The following FGF14 variants were observed in gnomAD, a reference collection of about 807,000 sequenced individuals.
FGF14 encodes fibroblast growth factor 14, also known as fibroblast growth factor homologous factor 4.
FGF14 carries 5 observed loss-of-function variants against 25.5 expected under a neutral mutation model. That is an observed-to-expected ratio of 0.20 (90% CI 0.10 to 0.41). The LOEUF is 0.41. FGF14 is among the 10% of genes least tolerant of loss of function. FGF14 has a pLI of 1.00. For missense variants in FGF14, 222 were observed against 320.1 expected, an observed-to-expected ratio of 0.69 and a Z score of 2.34; for synonymous variants, 138 against 118.3, an observed-to-expected ratio of 1.17 and a Z score of -1.08.
intron 3 of FGF14, among the ~76,000 whole-genome samples, chr13:101,827,070 G>A (rs544495705): frequency 3.6e-4 from 55 of 152,040 alleles, no homozygotes; most frequent in Non-Finnish European, 6.5e-4. Flanking sequence ...GAACATGACA[G>A]CTTCCAGCTA....
intron 1 of FGF14, chr13:102,368,190 T>G (rs2057772928): frequency 6.6e-6 from 1 of 152,212 alleles, no homozygotes; most frequent in Admixed American, 6.5e-5. Flanking sequence ...CAAAGTATAA[T>G]CTAGCCTATT....
At chr13:102,134,997 A>G (rs796244425) in intron 1 of FGF14, among the ~76,000 whole-genome samples, 1 of 148,242 alleles carries the variant, frequency 6.7e-6, no homozygotes, top group Non-Finnish European at 1.5e-5. Flanking sequence ...CAGTCTGGGT[A>G]ACATAGGGAG....
intron 1 of FGF14, among the ~76,000 whole-genome samples, chr13:102,106,669 C>A (rs1397457089): frequency 6.6e-6 from 1 of 151,876 alleles, no homozygotes; most frequent in Non-Finnish European, 1.5e-5. Context: ...AACTGAAAAG[C>A]CTTTACCCCC....
chr13:102,063,106 C>A (rs901597178), intron 1 of FGF14, among the ~76,000 whole-genome samples: 10 of 152,078 alleles, frequency 6.6e-5, no homozygotes, highest in African/African-American at 2.2e-4. Context: ...TGCTTCCAAA[C>A]CTTCCTTACT....
chr13:102,054,138 C>T (rs1241696815), intron 1 of FGF14, among the ~76,000 whole-genome samples: 3 of 152,098 alleles, frequency 2.0e-5, no homozygotes, highest in African/African-American at 7.2e-5. Flanking sequence ...CACAGAAAAC[C>T]AATCTGTCAT....
At chr13:102,158,657 A>T (rs957588338) in intron 1 of FGF14, among the ~76,000 whole-genome samples, 1 of 152,112 alleles carries the variant, frequency 6.6e-6, no homozygotes, top group East Asian at 1.9e-4. Flanking sequence ...GTACCCTAAA[A>T]CTTAAAGTAT....
At chr13:101,795,911 G>T (rs1037262833) in intron 3 of FGF14, among the ~76,000 whole-genome samples, 2 of 152,048 alleles carry the variant, frequency 1.3e-5, no homozygotes, top group Admixed American at 1.3e-4. Context: ...AATCTTGTGT[G>T]TTTTCTCTGA....
At position 101,989,957 on chromosome 13, in the gene FGF14, T is replaced by C. The variant is rs746958814; in HGVS notation, c.209-114661A>G. Among the ~76,000 whole-genome samples the C allele has an allele frequency of 3.9e-5, 6 of 152,148 alleles. No individual in the cohort carries two copies. The South Asian group carries it at 8.3e-4, about 21-fold the overall frequency. Reference sequence around the variant, plus strand: ...TTCCAAGCACACGCTGGATTTATTATAAGATTAATAAATTATCCCTAAAAG... The same window carrying C: ...TTCCAAGCACACGCTGGATTTATTACAAGATTAATAAATTATCCCTAAAAG... On this transcript the variant is annotated intron_variant, in intron 1 of 4. Transcript: ENST00000376131.
chr13:102,235,578 T>C (rs2051291341), intron 1 of FGF14, among the ~76,000 whole-genome samples: 1 of 152,150 alleles, frequency 6.6e-6, no homozygotes. Context: ...ACCATACAAA[T>C]GTTGCAAATT....
intron 3 of FGF14, among the ~76,000 whole-genome samples, chr13:101,768,989 T>G (rs1436961865): frequency 1.3e-5 from 2 of 152,168 alleles, no homozygotes; most frequent in Non-Finnish European, 2.9e-5. Flanking sequence ...AATTAAAAAT[T>G]TCTGCTTTGC....
In FGF14 at chr13:101,715,540, T is replaced by C. The variant is rs184041771; in HGVS notation, c.*7291A>G. 2.9e-3 allele frequency: 4,374 copies of C among 1,512,652 alleles called. 70 individuals are homozygous for C. In the Admixed American group the frequency reaches 0.031, roughly 11 times the overall value. 93.7% of individuals were successfully genotyped at this position (1,512,652 alleles called of 1,614,324 possible). ...TGGCACATTTTGATCATAATCATGATACCTATATGTATTTTATTGCAGGGA... is the reference window on the plus strand; with the variant it reads ...TGGCACATTTTGATCATAATCATGACACCTATATGTATTTTATTGCAGGGA... On this transcript the variant is annotated 3_prime_UTR_variant, in exon 5 of 5. Coordinates refer to ENST00000376143, the MANE Select transcript of FGF14 (RefSeq NM_004115.4).
chr13:102,165,172 C>A (rs1212004809), intron 1 of FGF14, among the ~76,000 whole-genome samples: 1 of 152,028 alleles, frequency 6.6e-6, no homozygotes, highest in East Asian at 1.9e-4. Flanking sequence ...AAAACAGGTG[C>A]TGGAGAGGAT....
At chr13:102,340,883 A>G (rs2056929607) in intron 1 of FGF14, among the ~76,000 whole-genome samples, 1 of 152,226 alleles carries the variant, frequency 6.6e-6, no homozygotes, top group African/African-American at 2.4e-5. Context: ...TACTCAATCA[A>G]GAAGGATTTG....
At chr13:102,337,106 A>T (rs2056810239) in intron 1 of FGF14, among the ~76,000 whole-genome samples, 2 of 152,196 alleles carry the variant, frequency 1.3e-5, no homozygotes, top group African/African-American at 4.8e-5. Context: ...TAAGACCTAC[A>T]TTTTGTAAAG....
intron 1 of FGF14, among the ~76,000 whole-genome samples, chr13:102,064,776 A>G (rs2042834584): frequency 6.6e-6 from 1 of 151,946 alleles, no homozygotes; most frequent in Admixed American, 6.6e-5. Context: ...CAAAGTGTGT[A>G]TATTGTGTTA....
Position 102,229,022 on chromosome 13 carries a change from A to G in FGF14, c.208+172449T>C, listed in dbSNP as rs567536955. Among the ~76,000 whole-genome samples the G allele has an allele frequency of 4.6e-5, 7 of 152,174 alleles. No homozygotes were observed. In the South Asian group the frequency reaches 1.5e-3, roughly 32 times the overall value. On this transcript the variant is annotated intron_variant, in intron 1 of 4. Transcript: ENST00000376131. Reference sequence around the variant, plus strand: ...ATTTCATATTCTCACTTCCTTCTGTATTGAGGAAGCAGAATATCTGTTTTT... The same window carrying G: ...ATTTCATATTCTCACTTCCTTCTGTGTTGAGGAAGCAGAATATCTGTTTTT...
chr13:101,749,259 C>G (rs1160865764), intron 3 of FGF14, among the ~76,000 whole-genome samples: 1 of 151,890 alleles, frequency 6.6e-6, no homozygotes, highest in Admixed American at 6.6e-5. Flanking sequence ...GAACAGTATT[C>G]AAGTGTACAT....
intron 3 of FGF14, among the ~76,000 whole-genome samples, chr13:101,788,914 A>T (rs2040051985): frequency 9.4e-5 from 1 of 10,618 alleles, no homozygotes; most frequent in Non-Finnish European, 3.8e-4. Flanking sequence ...ATATATAGAG[A>T]GAGAGAGAGA....
chr13:102,376,090 T>C lies in FGF14; in HGVS notation c.208+25381A>G, dbSNP rs148229029. ...AATCTGTAAGCACCCTTGATATGGT[T>C]TGGCTGTGTCCCTACCCAAATTTCA... On this transcript the variant is annotated intron_variant, in intron 1 of 4. Transcript: ENST00000376131. 5.9e-4 allele frequency among the ~76,000 whole-genome samples: 90 copies of C among 152,280 alleles called. No individual in the cohort carries two copies. In the East Asian group the frequency reaches 0.014, roughly 24 times the overall value.
Sources: allele counts gnomAD v4.1 joint callset (sites outside exome capture counted in the v4.1 genomes callset), GRCh38; gene constraint gnomAD v4.1.1; transcripts MANE v1.5; gene names NCBI Gene and HGNC (gene_info 2026-07-23, HGNC 2026-07-21).